The following CLUL1 variants were observed in gnomAD, a reference collection of about 807,000 sequenced individuals.
CLUL1 encodes the protein clusterin-like protein 1.
A neutral mutation model predicts 49.4 loss-of-function variants in CLUL1; 43 were observed. The ratio of observed to expected loss-of-function variants is 0.87; its 90% CI spans 0.68 to 1.12. The LOEUF (loss-of-function observed/expected upper bound fraction) is 1.12, where lower values mean the gene tolerates loss of function less well. Among genes scored for constraint, CLUL1 ranks in the 50% most tolerant of loss-of-function variants. CLUL1 has a pLI of 0.00. For synonymous variants in CLUL1, 192 were observed against 184.9 expected (o/e 1.04, Z -0.31); for missense variants, 486 against 544.4 (o/e 0.89, Z 1.07).
At chr18:629,497 C>T (rs1243594339) in intron 6 of CLUL1, among the ~76,000 whole-genome samples, 1 of 152,118 alleles carries the variant, frequency 6.6e-6, no homozygotes, top group Admixed American at 6.5e-5. Context: ...GATAATTTTT[C>T]AACCACTGTA....
intron 1 of CLUL1, among the ~76,000 whole-genome samples, chr18:603,311 T>G (rs78521147): frequency 1.3e-5 from 2 of 151,946 alleles, no homozygotes; most frequent in Admixed American, 6.6e-5. Context: ...ATCCCTCTGA[T>G]AGGAGCATGG....
chr18:636,856 ACCTCAAGTG>A (rs2144142337), intron 7 of CLUL1, among the ~76,000 whole-genome samples: 1 of 151,584 alleles, frequency 6.6e-6, no homozygotes, highest in African/African-American at 2.4e-5. Flanking sequence ...CGAACTCCTG[ACCTCAAGTG>A]ATTTGCCTGC....
rs560467609 is a variant in CLUL1 at position 603,144 on chromosome 18, A to G, written c.-135-3834A>G. 7.2e-5 allele frequency among the ~76,000 whole-genome samples: 11 copies of G among 152,354 alleles called. No individual in the cohort carries two copies. In the South Asian group the frequency reaches 2.3e-3, roughly 32 times the overall value. ...ATTACTTAAGATCCTTGCTACTCAA[A>G]GTATGAGCCAGGACCAGCTACACTG... On this transcript the variant is annotated intron_variant, in intron 1 of 9. Transcript: ENST00000692774.
Position 606,524 on chromosome 18 carries a change from C to T in CLUL1, c.-135-454C>T, listed in dbSNP as rs543898441. Among the ~76,000 whole-genome samples the T allele has an allele frequency of 6.6e-6, 1 of 152,204 alleles. No homozygotes were observed. The highest frequency in any genetic ancestry group is 2.1e-4 in the South Asian group (1 of 4,810). ...CCCACAGCTCTGAGACTCTGGCTGT[C>T]CCCCAACCCACCCCATCTTCCTTGT... On this transcript the variant is annotated intron_variant, in intron 1 of 9. Coordinates refer to ENST00000692774, the MANE Select transcript of CLUL1 (RefSeq NM_001393344.1). This position sits in a 1 kb window ranked among gnomAD's most constrained non-coding sequence, Gnocchi z 4.1.
chr18:602,357 C>CT (rs2072856751), intron 1 of CLUL1, among the ~76,000 whole-genome samples: 1 of 152,144 alleles, frequency 6.6e-6, no homozygotes, highest in African/African-American at 2.4e-5. Context: ...CTCTCCCTGC[C>CT]TCCAGGAAGG....
At chr18:648,803 T>G in intron 9 of CLUL1, among the ~76,000 whole-genome samples, 1 of 152,068 alleles carries the variant, frequency 6.6e-6, no homozygotes, top group Non-Finnish European at 1.5e-5. Context: ...ATTACAGGTG[T>G]GCACCACCAC....
intron 8 of CLUL1, among the ~76,000 whole-genome samples, chr18:644,087 G>A (rs886311864): frequency 1.3e-5 from 2 of 152,196 alleles, no homozygotes; most frequent in African/African-American, 4.8e-5. Flanking sequence ...ATTCCAGCAA[G>A]TGAAAACGGT....
chr18:632,956 A>T (rs2074030372), intron 6 of CLUL1, among the ~76,000 whole-genome samples: 1 of 152,112 alleles, frequency 6.6e-6, no homozygotes, highest in Non-Finnish European at 1.5e-5. Flanking sequence ...GGAGTTCAAG[A>T]AACCGGCCTG....
At chr18:629,984 A>G (rs1335236823) in intron 6 of CLUL1, among the ~76,000 whole-genome samples, 1 of 152,212 alleles carries the variant, frequency 6.6e-6, no homozygotes, top group East Asian at 1.9e-4. Flanking sequence ...CCCTTGTGGT[A>G]GGCAAAATAA....
chr18:639,657 C>T (rs371819661), intron 7 of CLUL1, among the ~76,000 whole-genome samples: 2 of 151,570 alleles, frequency 1.3e-5, no homozygotes, highest in Non-Finnish European at 2.9e-5. Flanking sequence ...CCCAGCTACT[C>T]GGGAGGCTGA....
At chr18:615,012 A>G (rs181717188) in intron 2 of CLUL1, among the ~76,000 whole-genome samples, 11 of 152,320 alleles carry the variant, frequency 7.2e-5, no homozygotes, top group Admixed American at 3.9e-4. Context: ...ACATTTTGAA[A>G]TCCATCTGAT....
intron 2 of CLUL1, among the ~76,000 whole-genome samples, chr18:607,398 G>C (rs1338770972): frequency 6.6e-6 from 1 of 152,096 alleles, no homozygotes; most frequent in African/African-American, 2.4e-5. Context: ...CAAAGTGCTG[G>C]GATTACAGGC....
Position 606,869 on chromosome 18 carries a change from A to C in CLUL1, c.-135-109A>C. 38 of 496,648 alleles carry C rather than the reference A, an allele frequency of 7.7e-5. No homozygotes were observed. The highest frequency in any genetic ancestry group is 9.8e-5 in the African/African-American group (5 of 50,796). 30.8% of individuals were successfully genotyped at this position (496,648 alleles called of 1,614,324 possible). A position where few individuals can be genotyped will look rare whatever the true frequency, so the allele number is the denominator to read the frequency against. On this transcript the variant is annotated intron_variant, in intron 1 of 9. Coordinates refer to ENST00000692774, the MANE Select transcript of CLUL1 (RefSeq NM_001393344.1). This position sits in a 1 kb window ranked among gnomAD's most constrained non-coding sequence, Gnocchi z 4.1. The stretch of plus-strand genomic sequence containing the variant: ...CCCCACCAGCACCCCCCACAAGGCA[A>C]GGCCAGTTCACCCTCAGTGCTCACT...
chr18:628,248 A>G (rs1311488930), intron 6 of CLUL1, among the ~76,000 whole-genome samples: 1 of 152,276 alleles, frequency 6.6e-6, no homozygotes, highest in Non-Finnish European at 1.5e-5. Context: ...ACTCTCACAT[A>G]TAACCAGAGC....
Position 640,458 on chromosome 18 carries a change from A to AT in CLUL1, c.995-859dup, listed in dbSNP as rs71174262. 2.8e-3 allele frequency among the ~76,000 whole-genome samples: 422 copies of AT among 150,202 alleles called. 2 individuals carry two copies. Among genetic ancestry groups the AT allele is most frequent in the Middle Eastern group, 0.024 (7 of 288 alleles). On this transcript the variant is annotated intron_variant, in intron 7 of 9. Transcript: ENST00000692774. Reference sequence around the variant, plus strand: ...AAAAGAAACAAAAGGAAATGCAGCCATTTTTTTTTTGCCTTATTTCCAAGT... The same window carrying AT: ...AAAAGAAACAAAAGGAAATGCAGCCATTTTTTTTTTTGCCTTATTTCCAAGT...
chr18:636,419 T>C (rs1489019785), intron 7 of CLUL1, among the ~76,000 whole-genome samples: 1 of 96,524 alleles, frequency 1.0e-5, no homozygotes, highest in Non-Finnish European at 2.3e-5. Context: ...TATTCTCCAT[T>C]ATGAAATGTC....
intron 1 of CLUL1, among the ~76,000 whole-genome samples, chr18:605,791 C>G (rs1201054149): frequency 6.6e-6 from 1 of 152,110 alleles, no homozygotes; most frequent in Non-Finnish European, 1.5e-5. Context: ...ATCCTCCCAA[C>G]TCAGCCTCCA....
intron 4 of CLUL1, among the ~76,000 whole-genome samples, chr18:622,034 GA>G (rs796843014): frequency 6.7e-5 from 10 of 149,828 alleles, no homozygotes; most frequent in Admixed American, 2.7e-4. Context: ...AAGTTAATCG[GA>G]AAAAAAAAAT....
At chr18:628,977 A>G (rs2073905258) in intron 6 of CLUL1, among the ~76,000 whole-genome samples, 1 of 151,862 alleles carries the variant, frequency 6.6e-6, no homozygotes, top group African/African-American at 2.4e-5. Context: ...CTATCTGACT[A>G]TTTTTCAATT....
Sources: gnomAD v4.1 joint callset for allele counts (sites outside exome capture counted in the v4.1 genomes callset) on GRCh38, gnomAD v4.1.1 for gene constraint, Gnocchi (gnomAD v3.1) non-coding constraint, MANE v1.5 for transcripts, NCBI Gene and HGNC (gene_info 2026-07-23, HGNC 2026-07-21) for gene names.